The following STXBP5 variants were observed in gnomAD, a reference collection of about 807,000 sequenced individuals.
STXBP5 encodes syntaxin-binding protein 5.
STXBP5 carries 50 observed loss-of-function variants against 152.4 expected under a neutral mutation model. The ratio of observed to expected loss-of-function variants is 0.33; its 90% CI spans 0.26 to 0.42. The LOEUF (loss-of-function observed/expected upper bound fraction) is 0.42, where lower values mean the gene tolerates loss of function less well. STXBP5 is among the 10% of genes least tolerant of loss of function. The probability of loss-of-function intolerance (pLI) is 1.00; values close to 1 mark genes in which losing one functional copy is unlikely to be tolerated. For missense variants in STXBP5, 1,167 were observed against 1,388.6 expected, an observed-to-expected ratio of 0.84 and a Z score of 2.54; for synonymous variants, 492 against 494.7, an observed-to-expected ratio of 0.99 and a Z score of 0.07.
chr6:147,319,899 T>G (rs1212335613), intron 16 of STXBP5, among the ~76,000 whole-genome samples: 1 of 140,968 alleles, frequency 7.1e-6, no homozygotes, highest in Non-Finnish European at 1.5e-5. Flanking sequence ...TGGAGTACAG[T>G]GGTGTGATCA....
rs2128375714 is a variant in STXBP5, at chr6:147,316,217, C to A, written c.1624-12C>A. On this transcript the variant is annotated splice_polypyrimidine_tract_variant and intron_variant, in intron 15 of 27. Coordinates refer to ENST00000321680, the MANE Select transcript of STXBP5 (RefSeq NM_001127715.4). ...TATTAGGAGTAAGTAAACTACCTTA[C>A]TTTTACAACAGATGCTTGAAGTTCG... 6.2e-7 allele frequency: 1 copy of A among 1,612,978 alleles called. No individual in the cohort carries two copies. The highest frequency in any genetic ancestry group is 8.5e-7 in the Non-Finnish European group (1 of 1,179,336).
chr6:147,313,511 G>A (rs981758903), intron 11 of STXBP5, among the ~76,000 whole-genome samples: 5 of 152,174 alleles, frequency 3.3e-5, no homozygotes, highest in Admixed American at 6.5e-5. Context: ...GCTGACATAA[G>A]GATGAGGTAT....
intron 9 of STXBP5, among the ~76,000 whole-genome samples, chr6:147,298,178 CA>C (rs1323904396): frequency 6.6e-6 from 1 of 151,798 alleles, no homozygotes; most frequent in Non-Finnish European, 1.5e-5. Context: ...AAACCGAAAC[CA>C]AAAATGAGCA....
At chr6:147,320,892 A>G (rs756615298) in intron 16 of STXBP5, among the ~76,000 whole-genome samples, 15 of 152,130 alleles carry the variant, frequency 9.9e-5, no homozygotes, top group Non-Finnish European at 1.6e-4. Context: ...GATTGTAAAC[A>G]TAGGGATTGC....
At chr6:147,221,139 C>T (rs1777438029) in intron 2 of STXBP5, among the ~76,000 whole-genome samples, 2 of 152,072 alleles carry the variant, frequency 1.3e-5, no homozygotes, top group South Asian at 4.1e-4. Flanking sequence ...GAACACTGTA[C>T]TGCTTCACAG....
intron 9 of STXBP5, among the ~76,000 whole-genome samples, chr6:147,296,255 T>G (rs1781518231): frequency 6.6e-6 from 1 of 151,874 alleles, no homozygotes; most frequent in African/African-American, 2.4e-5. Flanking sequence ...CTGCCTTTAC[T>G]AGGTTCACCC....
intron 2 of STXBP5, among the ~76,000 whole-genome samples, chr6:147,217,224 A>AT (rs1777216514): frequency 6.6e-6 from 1 of 152,218 alleles, no homozygotes; most frequent in Non-Finnish European, 1.5e-5. Context: ...AGGAAAAAAA[A>AT]AAGTGTTGAA....
rs35444906 is a variant in STXBP5 at position 147,219,799 on chromosome 6, G to GTTTTTT, written c.248+13747_248+13752dup. ...TTTTCCTTAGCATGGCTAGAAGCTT[G>GTTTTTT]TTTTTTTTTTTTTTTTTTTTTGAAG... On this transcript the variant is annotated intron_variant, in intron 2 of 27. Coordinates refer to ENST00000321680, the MANE Select transcript of STXBP5 (RefSeq NM_001127715.4). Among the ~76,000 whole-genome samples, 94 of 86,078 alleles carry GTTTTTT rather than the reference G, an allele frequency of 1.1e-3. 1 individual carries two copies. The highest frequency in any genetic ancestry group is 1.5e-3 in the Non-Finnish European group (67 of 43,316). The allele number at this position is 86,078 out of a possible 152,430, so 56.5% of individuals were successfully genotyped here.
intron 22 of STXBP5, among the ~76,000 whole-genome samples, chr6:147,355,275 G>C (rs1784763926): frequency 6.6e-6 from 1 of 151,990 alleles, no homozygotes. Flanking sequence ...TTCAAATCTT[G>C]GCATTATGTT....
At chr6:147,282,847 C>T (rs1480061093) in intron 8 of STXBP5, among the ~76,000 whole-genome samples, 2 of 152,138 alleles carry the variant, frequency 1.3e-5, no homozygotes, top group African/African-American at 4.8e-5. Context: ...TGATTGTCAG[C>T]TTTACCAGAA....
intron 18 of STXBP5, among the ~76,000 whole-genome samples, chr6:147,327,862 C>G (rs960423749): frequency 1.3e-5 from 2 of 152,080 alleles, no homozygotes; most frequent in Non-Finnish European, 2.9e-5. Context: ...AAAAAAGTTA[C>G]TTTGTAAGGT....
At chr6:147,301,678 A>C (rs1450395042) in intron 9 of STXBP5, among the ~76,000 whole-genome samples, 1 of 152,180 alleles carries the variant, frequency 6.6e-6, no homozygotes, top group Non-Finnish European at 1.5e-5. Flanking sequence ...TCTCACACCT[A>C]ACTATGATAA....
chr6:147,292,126 A>G (rs1305008944), intron 9 of STXBP5: 6 of 373,410 alleles, frequency 1.6e-5, no homozygotes, highest in Non-Finnish European at 3.1e-5. Context: ...TAACCACTGG[A>G]TATTACAACT....
intron 2 of STXBP5, among the ~76,000 whole-genome samples, chr6:147,229,792 A>C (rs890545854): frequency 3.9e-5 from 6 of 151,924 alleles, no homozygotes; most frequent in Non-Finnish European, 7.4e-5. Context: ...ATATGAGATT[A>C]TGTCACCTAT....
chr6:147,342,022 C>T (rs1784116376), intron 21 of STXBP5, among the ~76,000 whole-genome samples: 1 of 152,158 alleles, frequency 6.6e-6, no homozygotes, highest in Admixed American at 6.5e-5. Context: ...ACCCAGGTAG[C>T]CCCACTCCAT....
chr6:147,205,854 T>A (rs1776524366), intron 1 of STXBP5, 117 bp from the exon 2 acceptor site: 1 of 681,186 alleles, frequency 1.5e-6, no homozygotes. Flanking sequence ...AGTAAGTGCA[T>A]GTGTATGTGT....
chr6:147,206,869 G>A (rs555276646), intron 2 of STXBP5, among the ~76,000 whole-genome samples: 12 of 151,952 alleles, frequency 7.9e-5, no homozygotes, highest in African/African-American at 2.2e-4. Flanking sequence ...ATGTTGAAAT[G>A]TGTTTTCTTT....
chr6:147,269,213 G>A (rs1477667222), intron 7 of STXBP5, among the ~76,000 whole-genome samples: 3 of 152,172 alleles, frequency 2.0e-5, no homozygotes, highest in African/African-American at 7.2e-5. Flanking sequence ...ATTCCCAACA[G>A]AGTAGAGAAA....
rs75736328 is a variant in STXBP5, at chr6:147,260,828, A to T, written c.566+79A>T. The T allele has an allele frequency of 1.5e-3, 2,224 of 1,476,698 alleles. 33 individuals are homozygous for T. In the African/African-American group the frequency reaches 0.028, roughly 19 times the overall value. 91.5% of individuals were successfully genotyped at this position (1,476,698 alleles called of 1,614,324 possible). ...TACCGTTACATCATAGCCAATCAGT[A>T]AATCTGTATGGAATTAAATATGTGA... On this transcript the variant is annotated intron_variant, in intron 5 of 27. Coordinates refer to ENST00000321680, the MANE Select transcript of STXBP5 (RefSeq NM_001127715.4).
Sources: gnomAD v4.1 joint callset for allele counts (sites outside exome capture counted in the v4.1 genomes callset) on GRCh38, gnomAD v4.1.1 for gene constraint, MANE v1.5 for transcripts, NCBI Gene and HGNC (gene_info 2026-07-23, HGNC 2026-07-21) for gene names.